The following ADCY7 variants were observed in gnomAD, a reference collection of about 807,000 sequenced individuals.
ADCY7 encodes adenylate cyclase type 7.
A neutral mutation model predicts 120.6 loss-of-function variants in ADCY7; 72 were observed. That is an observed-to-expected ratio of 0.60 (90% CI 0.49 to 0.73). The LOEUF is 0.73. Among genes scored for constraint, ADCY7 ranks in the 30% least tolerant of loss-of-function variants. ADCY7 has a pLI of 0.00. For missense variants in ADCY7, 1,227 were observed against 1,486.0 expected, an observed-to-expected ratio of 0.83 and a Z score of 2.87; for synonymous variants, 661 against 628.0, an observed-to-expected ratio of 1.05 and a Z score of -0.78.
chr16:50,274,685 T>C (rs4277340), intron 1 of ADCY7, among the ~76,000 whole-genome samples: 76,500 of 151,956 alleles, frequency 0.5, 19,537 homozygotes, highest in East Asian at 0.7. Context: ...TCAGGCTTGC[T>C]GTTGGGACAG....
At chr16:50,301,293 G>A (rs1018074501) in intron 10 of ADCY7, 79 bp downstream of exon 10, 55 of 1,487,722 alleles carry the variant, frequency 3.7e-5, no homozygotes, top group Admixed American at 4.7e-5. Context: ...CCGCACCTTG[G>A]AGGAAACCCC....
intron 1 of ADCY7, among the ~76,000 whole-genome samples, chr16:50,272,615 T>A (rs1181168643): frequency 6.6e-6 from 1 of 152,184 alleles, no homozygotes; most frequent in East Asian, 1.9e-4. Flanking sequence ...GCACATCCCT[T>A]GGCCTCACTC....
At chr16:50,290,418 G>A (rs889577146) in intron 2 of ADCY7, 39 bp from the exon 3 acceptor site, 2 of 1,609,410 alleles carry the variant, frequency 1.2e-6, no homozygotes, top group Non-Finnish European at 1.7e-6. Context: ...CTCTGCACTG[G>A]GGAAAGCCGA....
rs749714597 is a variant in ADCY7, at chr16:50,311,808, C to CA, written c.2448+22_2448+23insA. On this transcript the variant is annotated intron_variant, in intron 20 of 25. Transcript: ENST00000673801. ...ACAGGTAAGGAGGCTGGCCCCCCCCCCCCCCCCAAGCTCTGCCCACTTTTC... is the reference window on the plus strand; with the variant it reads ...ACAGGTAAGGAGGCTGGCCCCCCCCCACCCCCCCAAGCTCTGCCCACTTTTC... The CA allele has an allele frequency of 3.7e-6, 5 of 1,337,040 alleles. No homozygotes were observed. The East Asian group carries it at 8.7e-5, about 23-fold the overall frequency. 82.8% of individuals were successfully genotyped at this position (1,337,040 alleles called of 1,614,324 possible).
At position 50,276,752 on chromosome 16, in the gene ADCY7, C is replaced by A. The variant is rs143937439; in HGVS notation, c.-269+10072C>A. ...GGCTCTACAGGCATGTACCACTGTG[C>A]CTGGCTTAGTTTTAAAATTTTTTTA... is the stretch of plus-strand genomic sequence containing the variant. On this transcript the variant is annotated intron_variant, in intron 1 of 25. Transcript: ENST00000673801. Among the ~76,000 whole-genome samples, 227 of 152,188 alleles carry A rather than the reference C, an allele frequency of 1.5e-3. 1 individual carries two copies. The highest frequency in any genetic ancestry group is 5.3e-3 in the African/African-American group (219 of 41,518).
At position 50,317,666 on chromosome 16, in the gene ADCY7, G is replaced by GAATA. The variant is rs1304655845; in HGVS notation, c.*2162_*2165dup. The GAATA allele has an allele frequency of 3.3e-5, 5 of 152,272 alleles. No homozygotes were observed. Among genetic ancestry groups the GAATA allele is most frequent in the African/African-American group, 9.7e-5 (4 of 41,420 alleles). 9.4% of individuals were successfully genotyped at this position (152,272 alleles called of 1,614,324 possible). A position where few individuals can be genotyped will look rare whatever the true frequency, so the allele number is the denominator to read the frequency against. ...TTTAGTTTTCAGTGTTCAGGTTATA[G>GAATA]AATATAACTGACCATAAAAATTACC... On this transcript the variant is annotated 3_prime_UTR_variant, in exon 26 of 26. Coordinates refer to ENST00000673801, the MANE Select transcript of ADCY7 (RefSeq NM_001114.5).
At chr16:50,252,567 G>A (rs1022551393) in intron 1 of ADCY7, among the ~76,000 whole-genome samples, 1 of 152,188 alleles carries the variant, frequency 6.6e-6, no homozygotes, top group Non-Finnish European at 1.5e-5. Context: ...CACAGAGGAG[G>A]GGACAGGCTC....
chr16:50,272,044 G>C (rs1434365584), intron 1 of ADCY7, among the ~76,000 whole-genome samples: 2 of 152,184 alleles, frequency 1.3e-5, no homozygotes, highest in Non-Finnish European at 2.9e-5. Flanking sequence ...GGAGGTCTTT[G>C]GTGCAGGTAC....
At chr16:50,271,525 C>T (rs1438614657) in intron 1 of ADCY7, among the ~76,000 whole-genome samples, 3 of 152,192 alleles carry the variant, frequency 2.0e-5, no homozygotes, top group Non-Finnish European at 2.9e-5. Flanking sequence ...TGACCTTGGG[C>T]CTGGGAGAAG....
At chr16:50,312,462 A>G (rs77463170) in intron 21 of ADCY7, among the ~76,000 whole-genome samples, 2,340 of 152,228 alleles carry the variant, frequency 0.015, 70 homozygotes, top group African/African-American at 0.053. Flanking sequence ...GCCCTTCCCC[A>G]CAGGCTTGTG....
upstream of ADCY7, among the ~76,000 whole-genome samples, chr16:50,266,018 GGCCTGCCCCT>G (rs2150812287): frequency 6.6e-6 from 1 of 152,314 alleles, no homozygotes; most frequent in East Asian, 1.9e-4. Context: ...CCCAAGGATG[GGCCTGCCCCT>G]GCCCTGCTCC....
intron 24 of ADCY7, 48 bp downstream of exon 24, chr16:50,314,454 A>T (rs746665736): frequency 7.1e-7 from 1 of 1,417,694 alleles, no homozygotes; most frequent in South Asian, 1.2e-5. Context: ...CCTCTAGGCC[A>T]GTCCACCCAG....
Position 50,290,578 on chromosome 16 carries a change from T to C in ADCY7, c.293T>C (p.Leu98Pro), listed in dbSNP as rs143540406. ...CGGCGCTGGCTCAGGGCCTTGGCGC[T>C]GCTCACCTGGGCCTGCTTGGTGGCG... The part of the protein sequence containing the change: ...LLRRWLRALA[L>P]LTWACLVALG... The change falls in exon 3 of 26, where the codon CTG becomes CCG. Residue 98 changes from leucine to proline, a missense_variant. Coordinates refer to ENST00000673801, the MANE Select transcript of ADCY7 (RefSeq NM_001114.5). The C allele has an allele frequency of 1.9e-6, 3 of 1,614,070 alleles. No individual in the cohort carries two copies. The highest frequency in any genetic ancestry group is 2.5e-6 in the Non-Finnish European group (3 of 1,180,054).
Position 50,288,344 on chromosome 16 carries a change from C to A in ADCY7, c.165C>A (p.Ser55Arg). ...TGGCCCTCATCATCATTGCCTTCAGCCAGGGGGTGAGTGAGGGCAGCCCCT... is the reference window on the plus strand; with the variant it reads ...TGGCCCTCATCATCATTGCCTTCAGACAGGGGGTGAGTGAGGGCAGCCCCT... ...ACVALIIIAF[S>R]QGDPSRHQAI... is the part of the protein sequence containing the mutation. The change falls in exon 2 of 26, where the codon AGC becomes AGA. Residue 55 changes from serine to arginine, a missense_variant. By Grantham distance (110) the Ser-to-Arg change is moderately radical. Coordinates refer to ENST00000673801, the MANE Select transcript of ADCY7 (RefSeq NM_001114.5). The A allele has an allele frequency of 1.3e-6, 2 of 1,545,328 alleles. No individual in the cohort carries two copies. Among genetic ancestry groups the A allele is most frequent in the Non-Finnish European group, 1.7e-6 (2 of 1,142,952 alleles).
intron 2 of ADCY7, chr16:50,289,192 G>GTT: frequency 7.2e-5 from 22 of 307,514 alleles, no homozygotes; most frequent in East Asian, 2.3e-4. Context: ...TCCTCCTTTT[G>GTT]TTTTTTTTTT....
rs757992571 is a variant in ADCY7 at position 50,290,625 on chromosome 16, G to C, written c.340G>C (p.Asp114His). ...LVALGYVLVF[D>H]AWTKAACAWE... ...GGCGCTGGGCTATGTGCTGGTGTTC[G>C]ACGCATGGACAAAGGCGGCCTGTGC... The change falls in exon 3 of 26, where the codon GAC (aspartate) becomes CAC (histidine). Residue 114 changes from aspartate (D) to histidine (H), a missense_variant. Transcript: ENST00000673801. 3 of 1,614,056 alleles carry C rather than the reference G, an allele frequency of 1.9e-6. No individual in the cohort carries two copies.
chr16:50,303,473 G>A (rs1237597339), intron 10 of ADCY7, among the ~76,000 whole-genome samples: 1 of 152,208 alleles, frequency 6.6e-6, no homozygotes, highest in African/African-American at 2.4e-5. Context: ...AGGGGCTAAG[G>A]AGAGACTCAG....
chr16:50,295,217 C>T (rs999198950), intron 7 of ADCY7, among the ~76,000 whole-genome samples: 5 of 152,122 alleles, frequency 3.3e-5, no homozygotes, highest in Non-Finnish European at 7.4e-5. Flanking sequence ...CTCATTCTGT[C>T]ATGAAGGCTG....
intron 1 of ADCY7, among the ~76,000 whole-genome samples, chr16:50,285,360 C>G (rs2034516326): frequency 6.6e-6 from 1 of 152,186 alleles, no homozygotes; most frequent in Admixed American, 6.5e-5. Context: ...CCATTTTGTT[C>G]CTGGTGTGTG....
Sources: allele counts gnomAD v4.1 joint callset (sites outside exome capture counted in the v4.1 genomes callset), GRCh38; gene constraint gnomAD v4.1.1; transcripts MANE v1.5; gene names NCBI Gene and HGNC (gene_info 2026-07-23, HGNC 2026-07-21).